LRP2: variants seen among roughly 807,000 people sequenced by gnomAD.
LRP2 encodes the protein low-density lipoprotein receptor-related protein 2.
In LRP2, 172 loss-of-function variants were observed where a neutral mutation model predicts 531.0. The observed-to-expected ratio is 0.32, with a 90% confidence interval of 0.29 to 0.37. The LOEUF (loss-of-function observed/expected upper bound fraction) is 0.37, where lower values mean the gene tolerates loss of function less well. LRP2 is among the 10% of genes least tolerant of loss of function. The probability of loss-of-function intolerance (pLI) is 1.00; values close to 1 mark genes in which losing one functional copy is unlikely to be tolerated. For missense variants in LRP2, 5,167 were observed against 5,868.3 expected (o/e 0.88, Z 3.90); for synonymous variants, 1,992 against 2,027.6 (o/e 0.98, Z 0.47).
chr2:169,327,757 G>T (rs1685133420), intron 1 of LRP2, among the ~76,000 whole-genome samples: 1 of 127,006 alleles, frequency 7.9e-6, no homozygotes, highest in African/African-American at 3.0e-5. Flanking sequence ...GAGGGAGGTG[G>T]GGGGGTCAGC....
intron 17 of LRP2, among the ~76,000 whole-genome samples, 187 bp downstream of exon 17, chr2:169,258,838 A>C (rs1690417484): frequency 6.6e-6 from 1 of 152,104 alleles, no homozygotes; most frequent in African/African-American, 2.4e-5. Flanking sequence ...GGGTTTAAAA[A>C]CAATTTTTTT....
At chr2:169,327,338 C>T (rs542711562) in intron 1 of LRP2, among the ~76,000 whole-genome samples, 153 of 132,400 alleles carry the variant, frequency 1.2e-3, no homozygotes, top group Admixed American at 3.2e-3. Flanking sequence ...CCCGGCCAGC[C>T]GCCCCATCCG....
intron 25 of LRP2, 98 bp downstream of exon 25, chr2:169,240,890 T>C: frequency 6.8e-7 from 1 of 1,475,328 alleles, no homozygotes. Flanking sequence ...CTGAAATCCT[T>C]CCTACAAAGC....
chr2:169,132,134 A>C (rs1685314784), intron 77 of LRP2, among the ~76,000 whole-genome samples: 1 of 152,198 alleles, frequency 6.6e-6, no homozygotes. Flanking sequence ...TCTAGTGGTA[A>C]AGATCTGTAA....
At chr2:169,355,406 C>G (rs1304958422) in intron 1 of LRP2, among the ~76,000 whole-genome samples, 3 of 152,120 alleles carry the variant, frequency 2.0e-5, no homozygotes, top group African/African-American at 7.2e-5. Context: ...ATTTTTGCAT[C>G]CCAGCCTCTG....
intron 42 of LRP2, among the ~76,000 whole-genome samples, chr2:169,203,425 G>C (rs775185156): frequency 2.6e-5 from 4 of 152,158 alleles, no homozygotes; most frequent in Non-Finnish European, 5.9e-5. Context: ...GGGCAGCCAA[G>C]GCCTTCATCT....
chr2:169,361,371 TCTCTCC>T (rs61190359), intron 1 of LRP2, among the ~76,000 whole-genome samples: 7,866 of 76,480 alleles, frequency 0.1, 513 homozygotes, highest in African/African-American at 0.18. Flanking sequence ...TCTCTCTCTC[TCTCTCC>T]CTCTCTCTCT....
At chr2:169,266,873 C>T (rs531922083) in intron 16 of LRP2, among the ~76,000 whole-genome samples, 5 of 141,330 alleles carry the variant, frequency 3.5e-5, no homozygotes, top group East Asian at 2.2e-4. Flanking sequence ...AATACACACA[C>T]GTTTGTAACC....
chr2:169,334,207 A>G (rs577695461), intron 1 of LRP2, among the ~76,000 whole-genome samples: 102 of 152,260 alleles, frequency 6.7e-4, no homozygotes, highest in Non-Finnish European at 1.1e-3. Context: ...CTTTGTCACT[A>G]TTATAAATAT....
chr2:169,347,428 G>C (rs1017316504), intron 1 of LRP2, among the ~76,000 whole-genome samples: 4 of 152,130 alleles, frequency 2.6e-5, no homozygotes, highest in African/African-American at 9.7e-5. Flanking sequence ...TTTTTCTTCA[G>C]TGACTTTAAA....
Position 169,156,388 on chromosome 2 carries a change from G to T in LRP2, c.12037C>A (p.Gln4013Lys). The T allele has an allele frequency of 6.2e-7, 1 of 1,613,464 alleles. No individual in the cohort carries two copies. The highest frequency in any genetic ancestry group is 8.5e-7 in the Non-Finnish European group (1 of 1,179,568). ...CAGTGCTGGGGACAAGTCCCAAATT[G>T]TTCACATTCATTGATATCTGTAGGC... ...TSCLDINECEQFGTCPQHCRN... is the reference protein window; with the variant it reads ...TSCLDINECEKFGTCPQHCRN... Residue 4013 changes from glutamine (Q) to lysine (K), a missense_variant, in exon 65 of 79, where the codon CAA becomes AAA. Transcript: ENST00000649046.
chr2:169,349,275 T>C (rs780511495), intron 1 of LRP2, among the ~76,000 whole-genome samples: 3 of 152,092 alleles, frequency 2.0e-5, no homozygotes, highest in Non-Finnish European at 4.4e-5. Context: ...GAGGGTGACC[T>C]ATGAGCAAAG....
intron 47 of LRP2, among the ~76,000 whole-genome samples, chr2:169,193,173 T>C (rs1170828994): frequency 6.6e-6 from 1 of 152,066 alleles, no homozygotes. Context: ...ATGCTTGTAA[T>C]CCCAGCACTT....
At chr2:169,268,481 A>G (rs1315873560) in intron 16 of LRP2, among the ~76,000 whole-genome samples, 1 of 152,240 alleles carries the variant, frequency 6.6e-6, no homozygotes, top group East Asian at 1.9e-4. Flanking sequence ...GTAATCCAGC[A>G]TATAAACAGA....
At chr2:169,202,998 G>A in intron 42 of LRP2, 39 bp from the exon 43 acceptor site, 1 of 1,569,612 alleles carries the variant, frequency 6.4e-7, no homozygotes, top group Non-Finnish European at 8.8e-7. Flanking sequence ...AAAGATGGAT[G>A]CAGCCACCGT....
chr2:169,160,685 A>AAAAAAAAAAAAAAAAAAAAAC (rs970862922), intron 63 of LRP2, among the ~76,000 whole-genome samples: 1 of 94,234 alleles, frequency 1.1e-5, no homozygotes. Context: ...ATTTCCTTAA[A>AAAAAAAAAAAAAAAAAAAAAC]AAAAAAAAAA....
chr2:169,271,795 A>G (rs1683425308), intron 15 of LRP2: 1 of 432,470 alleles, frequency 2.3e-6, no homozygotes, highest in Non-Finnish European at 3.1e-6. Flanking sequence ...GTAGATACCA[A>G]GATAATTAAC....
chr2:169,303,373 A>G (rs972326332), intron 4 of LRP2, among the ~76,000 whole-genome samples: 1 of 152,200 alleles, frequency 6.6e-6, no homozygotes. Context: ...ACATCTTGAT[A>G]ATCTTTACAA....
intron 33 of LRP2, among the ~76,000 whole-genome samples, chr2:169,222,628 T>C (rs1250286119): frequency 6.6e-6 from 1 of 152,188 alleles, no homozygotes; most frequent in Non-Finnish European, 1.5e-5. Context: ...TTCCTACATA[T>C]ACACACCTAT....
Sources: allele counts gnomAD v4.1 joint callset (sites outside exome capture counted in the v4.1 genomes callset), GRCh38; gene constraint gnomAD v4.1.1; transcripts MANE v1.5; gene names NCBI Gene and HGNC (gene_info 2026-07-23, HGNC 2026-07-21).